Variants in ADGRD2 observed in about 807,000 individuals in gnomAD.
The protein encoded by ADGRD2 is G protein-coupled receptor PGR24.
ADGRD2 carries 71 observed loss-of-function variants against 44.4 expected under a neutral mutation model. The ratio of observed to expected loss-of-function variants is 1.60; its 90% CI spans 1.32 to 1.95. The LOEUF (loss-of-function observed/expected upper bound fraction) is 1.95. ADGRD2 is among the 30% of genes most tolerant of loss of function. The pLI, the probability that ADGRD2 is intolerant of heterozygous loss-of-function variation, is 0.00. For synonymous variants in ADGRD2, 481 were observed against 224.8 expected (o/e 2.14, Z -10.19); for missense variants, 1,039 against 512.4 (o/e 2.03, Z -9.92).
intron 6 of ADGRD2, 46 bp from the exon 10 acceptor site, chr9:124,456,576 T>C: frequency 1.4e-6 from 1 of 715,534 alleles, no homozygotes; most frequent in Non-Finnish European, 2.6e-6. Context: ...CAGGCGGCAG[T>C]GGGGTGCAGA....
intron 10 of ADGRD2, among the ~76,000 whole-genome samples, chr9:124,461,426 G>T (rs888266286): frequency 1.3e-5 from 2 of 152,202 alleles, no homozygotes; most frequent in Non-Finnish European, 2.9e-5. Flanking sequence ...TTACATGTAG[G>T]TGTATGATGT....
intron 17 of ADGRD2, among the ~76,000 whole-genome samples, chr9:124,473,359 T>G (rs1463615932): frequency 1.3e-5 from 2 of 152,226 alleles, no homozygotes; most frequent in Non-Finnish European, 2.9e-5. Flanking sequence ...TAGCTCACAC[T>G]TGCCCTGGTG....
chr9:124,451,570 A>G (rs1272900625), upstream of ADGRD2: 2 of 288,916 alleles, frequency 6.9e-6, no homozygotes, highest in Non-Finnish European at 1.4e-5. Flanking sequence ...GAAGCAAGGC[A>G]GGATGCCCAG....
At position 124,469,030 on chromosome 9, in the gene ADGRD2, C is replaced by T. The variant is rs1343855288; in HGVS notation, c.2388-192C>T. Among the ~76,000 whole-genome samples, 8 of 152,326 alleles carry T rather than the reference C, an allele frequency of 5.3e-5. No homozygotes were observed. In the East Asian group the frequency reaches 9.6e-4, roughly 18 times the overall value. On this transcript the variant is annotated intron_variant, in intron 14 of 21. Transcript: ENST00000334810. ...GCCTCCAAAGCAGCCTCAGCTCTCC[C>T]GACTCCCAAACTACTGTGGCTCCAA... is the stretch of plus-strand genomic sequence containing the variant.
chr9:124,476,768 GC>G, intron 21 of ADGRD2, 59 bp downstream of exon 24: 2 of 681,184 alleles, frequency 2.9e-6, no homozygotes, highest in Middle Eastern at 2.4e-4. Context: ...CACCCCCTAA[GC>G]CCCCCGTACC....
chr9:124,477,909 T>C (rs1378664569), intron 21 of ADGRD2, among the ~76,000 whole-genome samples: 1 of 151,906 alleles, frequency 6.6e-6, no homozygotes, highest in East Asian at 1.9e-4. Flanking sequence ...ATGGGTGCGT[T>C]GCTAGGGCCG....
chr9:124,476,293 G>A (rs1832047483), intron 19 of ADGRD2, 64 bp from the exon 23 acceptor site: 1 of 660,070 alleles, frequency 1.5e-6, no homozygotes, highest in Non-Finnish European at 2.8e-6. Context: ...CCACTCCCAG[G>A]ATGGGGGAGC....
At chr9:124,468,211 C>A (rs1207978126) in intron 13 of ADGRD2, 21 bp downstream of exon 16, 5 of 718,124 alleles carry the variant, frequency 7.0e-6, no homozygotes, top group Non-Finnish European at 1.3e-5. Context: ...AGTGGGTGGG[C>A]TGGAAGCCCG....
chr9:124,460,860 A>G (rs1440900618), intron 10 of ADGRD2, among the ~76,000 whole-genome samples: 1 of 152,144 alleles, frequency 6.6e-6, no homozygotes, highest in Non-Finnish European at 1.5e-5. Context: ...GCATATTTTA[A>G]CTTCCTAAGA....
intron 10 of ADGRD2, among the ~76,000 whole-genome samples, chr9:124,464,100 A>G (rs1197668273): frequency 6.6e-6 from 1 of 152,096 alleles, no homozygotes; most frequent in Non-Finnish European, 1.5e-5. Flanking sequence ...TCAGCCTCCC[A>G]AAGTGAGCCA....
At chr9:124,463,328 T>C (rs1487557057) in intron 10 of ADGRD2, among the ~76,000 whole-genome samples, 1 of 152,218 alleles carries the variant, frequency 6.6e-6, no homozygotes, top group Non-Finnish European at 1.5e-5. Context: ...ATTCCTGAGA[T>C]CAGTGTAATT....
intron 19 of ADGRD2, 145 bp downstream of exon 22, chr9:124,475,760 G>A (rs1050098630): frequency 2.2e-5 from 12 of 555,522 alleles, no homozygotes; most frequent in Admixed American, 6.9e-5. Context: ...GAGGCAGCCC[G>A]AGGGAGCCCC....
chr9:124,454,597 C>G lies in ADGRD2; in HGVS notation c.1108+28C>G. ...GAGCTCCCTCTCAGGGGCTGGAAAG[C>G]CTGGGGGCTCCATGGGTCACCTCGC... is the stretch of plus-strand genomic sequence containing the variant. On this transcript the variant is annotated intron_variant, in intron 5 of 21. Transcript: ENST00000334810. This position sits in a 1 kb window ranked among gnomAD's most constrained non-coding sequence, Gnocchi z 4.5. 1.4e-6 allele frequency: 1 copy of G among 710,214 alleles called. No homozygotes were observed. Among genetic ancestry groups the G allele is most frequent in the Non-Finnish European group, 2.6e-6 (1 of 379,980 alleles). 44.0% of individuals were successfully genotyped at this position (710,214 alleles called of 1,614,324 possible).
chr9:124,456,620 A>C lies in ADGRD2; in HGVS notation c.1394-2A>C, dbSNP rs188047165. 563 of 718,178 alleles carry C rather than the reference A, an allele frequency of 7.8e-4. 3 individuals carry two copies. In the African/African-American group the frequency reaches 8.9e-3, roughly 11 times the overall value. 44.5% of individuals were successfully genotyped at this position (718,178 alleles called of 1,614,324 possible). A position where few individuals can be genotyped will look rare whatever the true frequency, so the allele number is the denominator to read the frequency against. ...GAGAGCTGAGATGCAGCGTCCTCCC[A>C]GGTGATTGGTGGGCCTATGGCCCTG... On this transcript the variant is annotated splice_acceptor_variant, in intron 6 of 21. Transcript: ENST00000334810. LOFTEE classifies it high-confidence loss of function.
chr9:124,476,139 C>T (rs772627891), intron 19 of ADGRD2, among the ~76,000 whole-genome samples: 2 of 152,108 alleles, frequency 1.3e-5, no homozygotes, highest in Admixed American at 6.5e-5. Context: ...TGAATGACTT[C>T]GAGGTCAGGC....
At chr9:124,450,568 A>G (rs1321512431), upstream of ADGRD2, among the ~76,000 whole-genome samples, 3 of 152,200 alleles carry the variant, frequency 2.0e-5, no homozygotes, top group East Asian at 5.8e-4. Flanking sequence ...GAGGCCCCTG[A>G]CTCAGGCCCA....
chr9:124,461,269 C>T (rs2131240864), intron 10 of ADGRD2, among the ~76,000 whole-genome samples: 1 of 152,264 alleles, frequency 6.6e-6, no homozygotes, highest in African/African-American at 2.4e-5. Flanking sequence ...TTAACAGTAT[C>T]TTTGGAAGAT....
rs535519766 is a variant in ADGRD2 at position 124,462,927 on chromosome 9, CTCTCTCTT to C, written c.1871-3323_1871-3316del. On this transcript the variant is annotated intron_variant, in intron 10 of 21. Transcript: ENST00000334810. ...CCTTCCTTCCTTCCTGACTTTCTCTCTCTCTCTTTCTCTCTCTCTCCTTCCTTCCTTCA... is the reference window on the plus strand; with the variant it reads ...CCTTCCTTCCTTCCTGACTTTCTCTCTCTCTCTCTCTCCTTCCTTCCTTCA... Among the ~76,000 whole-genome samples, 159 of 151,520 alleles carry C rather than the reference CTCTCTCTT, an allele frequency of 1.0e-3. 3 individuals are homozygous for C. The South Asian group carries it at 0.028, about 27-fold the overall frequency.
At chr9:124,475,529 G>T (rs1177563349) in intron 18 of ADGRD2, 42 bp downstream of exon 21, 2 of 716,070 alleles carry the variant, frequency 2.8e-6, no homozygotes, top group Non-Finnish European at 5.2e-6. Context: ...GGGTCCAAGG[G>T]GTAGGGAGGG....
Sources: gnomAD v4.1 joint callset for allele counts (sites outside exome capture counted in the v4.1 genomes callset) on GRCh38, gnomAD v4.1.1 for gene constraint, Gnocchi (gnomAD v3.1) non-coding constraint, MANE v1.5 for transcripts, NCBI Gene and HGNC (gene_info 2026-07-23, HGNC 2026-07-21) for gene names.